The following SYT14 variants were observed in gnomAD, a reference collection of about 807,000 sequenced individuals.
The protein encoded by SYT14 is synaptotagmin 14.
In SYT14, 32 loss-of-function variants were observed where a neutral mutation model predicts 74.2. The observed-to-expected ratio is 0.43, with a 90% confidence interval of 0.33 to 0.58. The LOEUF is 0.58. Among genes scored for constraint, SYT14 ranks in the 20% least tolerant of loss-of-function variants. SYT14 has a pLI of 0.05. For synonymous variants in SYT14, 298 were observed against 337.7 expected (o/e 0.88, Z 1.29); for missense variants, 791 against 981.8 (o/e 0.81, Z 2.60).
chr1:210,025,205 C>T (rs949064458), intron 5 of SYT14, among the ~76,000 whole-genome samples: 3 of 152,160 alleles, frequency 2.0e-5, no homozygotes, highest in African/African-American at 7.2e-5. Flanking sequence ...GTGGTTGCCC[C>T]TTGGCAAAGC....
At chr1:210,160,360 G>A (rs949174602) in intron 9 of SYT14, among the ~76,000 whole-genome samples, 8 of 150,892 alleles carry the variant, frequency 5.3e-5, no homozygotes, top group Non-Finnish European at 5.9e-5. Flanking sequence ...GTTTATTAAT[G>A]CTATGATGTC....
chr1:210,016,447 T>A, exon 4 of SYT14: 1 of 1,232,022 alleles, frequency 8.1e-7, no homozygotes, highest in African/African-American at 1.5e-5. Context: ...GCTACATGAA[T>A]AATGGTGGGA....
intron 5 of SYT14, among the ~76,000 whole-genome samples, chr1:210,080,504 G>A (rs974926653): frequency 8.5e-5 from 13 of 152,124 alleles, no homozygotes; most frequent in African/African-American, 2.9e-4. Flanking sequence ...TATAGTGTGA[G>A]TTCATGACAT....
chr1:209,974,608 A>C (rs1364371578), intron 2 of SYT14, among the ~76,000 whole-genome samples: 1 of 152,076 alleles, frequency 6.6e-6, no homozygotes, highest in Non-Finnish European at 1.5e-5. Context: ...TGTTTTGGTT[A>C]CTGTAGCCTT....
exon 10 of SYT14, chr1:210,163,664 A>G (rs765471542): frequency 1.3e-5 from 6 of 453,632 alleles, no homozygotes; most frequent in Non-Finnish European, 2.6e-5. Context: ...ACAGCAAAAT[A>G]TACATTTGTT....
chr1:209,971,771 G>T (rs2079260689), intron 2 of SYT14, among the ~76,000 whole-genome samples: 2 of 152,166 alleles, frequency 1.3e-5, no homozygotes, highest in Non-Finnish European at 2.9e-5. Flanking sequence ...TTGGTATGTT[G>T]CTGAATTTGA....
At chr1:210,025,597 C>G (rs1216319776) in intron 5 of SYT14, among the ~76,000 whole-genome samples, 1 of 152,062 alleles carries the variant, frequency 6.6e-6, no homozygotes, top group African/African-American at 2.4e-5. Flanking sequence ...ACAGCCAAAG[C>G]TTCTCTACTC....
At position 210,118,672 on chromosome 1, in the gene SYT14, T is replaced by G. The variant is rs536507208; in HGVS notation, c.2034+18211T>G. On this transcript the variant is annotated intron_variant, in intron 7 of 9. Coordinates refer to ENST00000637265, the Ensembl canonical transcript of SYT14. ...TTTTGTATTTTTAGTAGAGATGATG[T>G]TTCATCATGTTGGCCAGGCTGGTCT... Among the ~76,000 whole-genome samples the G allele has an allele frequency of 3.3e-5, 5 of 152,248 alleles. No homozygotes were observed. The East Asian group carries it at 7.7e-4, about 24-fold the overall frequency.
chr1:210,091,443 C>A (rs1437423427), intron 5 of SYT14, among the ~76,000 whole-genome samples: 15 of 152,150 alleles, frequency 9.9e-5, no homozygotes, highest in Non-Finnish European at 2.2e-4. Flanking sequence ...AATCCCAACA[C>A]CTTGGGATGC....
chr1:210,151,152 TG>T (rs1288033428), intron 7 of SYT14, among the ~76,000 whole-genome samples: 7 of 152,176 alleles, frequency 4.6e-5, no homozygotes, highest in African/African-American at 1.7e-4. Context: ...AGTTTTACTT[TG>T]GGGAGCCTGT....
intron 2 of SYT14, among the ~76,000 whole-genome samples, chr1:209,990,731 A>G (rs181824107): frequency 4.3e-5 from 6 of 140,006 alleles, no homozygotes; most frequent in African/African-American, 1.6e-4. Flanking sequence ...CTCCATAAAT[A>G]TATACACTTA....
chr1:209,959,582 T>G (rs1277938881), intron 2 of SYT14, among the ~76,000 whole-genome samples: 1 of 152,194 alleles, frequency 6.6e-6, no homozygotes, highest in Admixed American at 6.5e-5. Context: ...TGATACAAGC[T>G]ACAACATTGG....
chr1:210,031,358 C>G (rs1211350648), intron 5 of SYT14, among the ~76,000 whole-genome samples: 1 of 151,866 alleles, frequency 6.6e-6, no homozygotes, highest in African/African-American at 2.4e-5. Context: ...TTGAATCTTT[C>G]TTCATGGAGA....
At chr1:210,061,119 A>G (rs9970894) in intron 5 of SYT14, among the ~76,000 whole-genome samples, 8,464 of 151,950 alleles carry the variant, frequency 0.056, 708 homozygotes, top group African/African-American at 0.18. Context: ...CTCAGATACC[A>G]TTGAATCCTT....
chr1:210,105,232 G>C (rs1189273320), intron 7 of SYT14, among the ~76,000 whole-genome samples: 1 of 152,146 alleles, frequency 6.6e-6, no homozygotes, highest in Non-Finnish European at 1.5e-5. Context: ...CTTTTGACCA[G>C]GGTTTGCAAA....
At chr1:210,103,559 A>G (rs1317138839) in intron 7 of SYT14, among the ~76,000 whole-genome samples, 1 of 151,588 alleles carries the variant, frequency 6.6e-6, no homozygotes, top group Non-Finnish European at 1.5e-5. Context: ...CAAAAAAAAA[A>G]AAAAAAAAAG....
At chr1:209,968,633 A>G (rs987250061) in intron 2 of SYT14, among the ~76,000 whole-genome samples, 1 of 151,958 alleles carries the variant, frequency 6.6e-6, no homozygotes, top group Non-Finnish European at 1.5e-5. Context: ...AGTTGGAAAC[A>G]TACAGTATGT....
intron 7 of SYT14, among the ~76,000 whole-genome samples, chr1:210,144,930 A>C (rs974753564): frequency 6.6e-6 from 1 of 151,670 alleles, no homozygotes; most frequent in African/African-American, 2.4e-5. Context: ...CGGAGTCTTT[A>C]GCAACCCAAT....
chr1:210,078,309 C>CAAAAA (rs59924487), intron 5 of SYT14, among the ~76,000 whole-genome samples: 1 of 72,060 alleles, frequency 1.4e-5, no homozygotes, highest in Non-Finnish European at 2.6e-5. Flanking sequence ...GACTCCGTCT[C>CAAAAA]AAAAAAAAAA....
Sources: gnomAD v4.1 joint callset for allele counts (sites outside exome capture counted in the v4.1 genomes callset) on GRCh38, gnomAD v4.1.1 for gene constraint, MANE v1.5 for transcripts, NCBI Gene and HGNC (gene_info 2026-07-23, HGNC 2026-07-21) for gene names.